SBF2: variants seen among roughly 807,000 people sequenced by gnomAD.
The protein encoded by SBF2 is SET binding factor 2.
In SBF2, 112 loss-of-function variants were observed where a neutral mutation model predicts 225.2. The observed-to-expected ratio is 0.50, with a 90% CI of 0.43 to 0.58. SBF2 has a LOEUF of 0.58. Among genes scored for constraint, SBF2 ranks in the 20% least tolerant of loss-of-function variants. The pLI is 0.00. For synonymous variants in SBF2, 763 were observed against 773.3 expected (o/e 0.99, Z 0.22); for missense variants, 1,996 against 2,206.2 (o/e 0.90, Z 1.91).
intron 35 of SBF2, among the ~76,000 whole-genome samples, chr11:9,788,898 C>G (rs1852555677): frequency 6.6e-6 from 1 of 152,056 alleles, no homozygotes. Flanking sequence ...AGCCACCGCG[C>G]CAGGCTGGAA....
At chr11:10,056,480 G>C (rs1950260150) in intron 2 of SBF2, among the ~76,000 whole-genome samples, 2 of 152,006 alleles carry the variant, frequency 1.3e-5, no homozygotes, top group African/African-American at 4.8e-5. Context: ...TGTATTCCTA[G>C]GTAATTATTT....
chr11:10,076,870 G>A (rs7948166), intron 2 of SBF2, among the ~76,000 whole-genome samples: 68,512 of 152,030 alleles, frequency 0.45, 15,808 homozygotes, highest in Admixed American at 0.55. Context: ...TGGGGATGCC[G>A]GAGCATGGGA....
intron 2 of SBF2, chr11:10,044,608 C>A: frequency 5.3e-6 from 1 of 188,010 alleles, no homozygotes; most frequent in Non-Finnish European, 1.0e-5. Flanking sequence ...GGAGGATTCA[C>A]CATGCCAGAG....
intron 1 of SBF2, among the ~76,000 whole-genome samples, chr11:10,235,283 C>G (rs952704580): frequency 2.6e-5 from 4 of 152,042 alleles, no homozygotes; most frequent in Non-Finnish European, 5.9e-5. Flanking sequence ...GATTGTAATC[C>G]CAACACTTTG....
chr11:10,294,542 G>A (rs948624739), upstream of SBF2, among the ~76,000 whole-genome samples: 2 of 152,238 alleles, frequency 1.3e-5, no homozygotes, highest in African/African-American at 4.8e-5. Context: ...CACTTGGAAA[G>A]CTGGCTGCTT....
At chr11:9,923,535 C>T (rs533731479) in intron 16 of SBF2, among the ~76,000 whole-genome samples, 1 of 152,284 alleles carries the variant, frequency 6.6e-6, no homozygotes, top group Admixed American at 6.5e-5. Flanking sequence ...TTGAATCTGT[C>T]AAGAGTTGTT....
chr11:10,108,218 A>G (rs1286076212), intron 2 of SBF2, among the ~76,000 whole-genome samples: 1 of 152,206 alleles, frequency 6.6e-6, no homozygotes, highest in African/African-American at 2.4e-5. Flanking sequence ...ATAGCAGAAC[A>G]CTGAGCTATA....
At chr11:9,855,482 C>T (rs1033544796) in intron 19 of SBF2, among the ~76,000 whole-genome samples, 1 of 152,102 alleles carries the variant, frequency 6.6e-6, no homozygotes, top group African/African-American at 2.4e-5. Context: ...TATGCGAGCT[C>T]GAACTACCAG....
intron 1 of SBF2, among the ~76,000 whole-genome samples, chr11:10,208,105 T>C (rs1466081494): frequency 6.6e-6 from 1 of 152,174 alleles, no homozygotes; most frequent in Non-Finnish European, 1.5e-5. Flanking sequence ...ATCTTAGCTC[T>C]GTCACTAACT....
chr11:10,031,883 T>C (rs756349429), intron 3 of SBF2, among the ~76,000 whole-genome samples: 1 of 152,136 alleles, frequency 6.6e-6, no homozygotes, highest in Non-Finnish European at 1.5e-5. Context: ...GTTGGAATCA[T>C]AGGCACACTC....
chr11:9,787,582 T>G, intron 36 of SBF2, 52 bp downstream of exon 36: 2 of 1,499,500 alleles, frequency 1.3e-6, no homozygotes, highest in South Asian at 2.3e-5. Context: ...CCACCTGACT[T>G]AGCACCCTCA....
chr11:10,268,089 A>C (rs2135529516), intron 1 of SBF2, among the ~76,000 whole-genome samples: 1 of 152,338 alleles, frequency 6.6e-6, no homozygotes, highest in South Asian at 2.1e-4. Context: ...AATTCACTCC[A>C]GTCCCAACTG....
At chr11:9,896,978 T>G (rs988461897) in intron 16 of SBF2, among the ~76,000 whole-genome samples, 1 of 152,072 alleles carries the variant, frequency 6.6e-6, no homozygotes, top group South Asian at 2.1e-4. Context: ...AAAATAAATA[T>G]AGAATTACTG....
chr11:9,958,564 T>C (rs1458784926), intron 16 of SBF2: 10 of 181,486 alleles, frequency 5.5e-5, no homozygotes, highest in Non-Finnish European at 2.3e-5. Context: ...TTCACCGTGT[T>C]AGCCAGGATG....
At chr11:10,087,760 T>C (rs1951628973) in intron 2 of SBF2, among the ~76,000 whole-genome samples, 1 of 152,216 alleles carries the variant, frequency 6.6e-6, no homozygotes, top group African/African-American at 2.4e-5. Context: ...CAAGTTATAC[T>C]GTATCCTGTG....
At chr11:10,112,604 T>C (rs1456475361) in intron 2 of SBF2, among the ~76,000 whole-genome samples, 5 of 152,200 alleles carry the variant, frequency 3.3e-5, no homozygotes, top group Admixed American at 1.3e-4. Flanking sequence ...ACAAGGACAA[T>C]GCAACCTTTA....
At chr11:10,241,568 G>A (rs930445600) in intron 1 of SBF2, among the ~76,000 whole-genome samples, 2 of 151,764 alleles carry the variant, frequency 1.3e-5, no homozygotes, top group African/African-American at 2.4e-5. Context: ...AAAAAAAGGC[G>A]GCAATAATAA....
At chr11:10,131,870 C>A (rs1453560273) in intron 2 of SBF2, among the ~76,000 whole-genome samples, 4 of 152,178 alleles carry the variant, frequency 2.6e-5, no homozygotes, top group African/African-American at 9.7e-5. Flanking sequence ...TTAATACATT[C>A]CAATTTAGCA....
chr11:10,194,887 C>T (rs1957304423), intron 1 of SBF2, among the ~76,000 whole-genome samples: 1 of 152,106 alleles, frequency 6.6e-6, no homozygotes, highest in South Asian at 2.1e-4. Flanking sequence ...TAGTCTCTAC[C>T]ACGTTATGGG....
Sources: gnomAD v4.1 joint callset for allele counts (sites outside exome capture counted in the v4.1 genomes callset) on GRCh38, gnomAD v4.1.1 for gene constraint, MANE v1.5 for transcripts, NCBI Gene and HGNC (gene_info 2026-07-23, HGNC 2026-07-21) for gene names.